The following PTPRD variants were observed in gnomAD, a reference collection of about 807,000 sequenced individuals.
PTPRD encodes the protein protein tyrosine phosphatase receptor type D.
A neutral mutation model predicts 214.5 loss-of-function variants in PTPRD; 34 were observed. The observed-to-expected ratio is 0.16, with a 90% confidence interval of 0.12 to 0.21. The LOEUF (loss-of-function observed/expected upper bound fraction) is 0.21, where lower values mean the gene tolerates loss of function less well. Ranked by LOEUF, PTPRD falls within the 10% of genes least tolerant of loss-of-function variation. The probability of loss-of-function intolerance (pLI) is 1.00; values close to 1 mark genes in which losing one functional copy is unlikely to be tolerated. For missense variants in PTPRD, 2,545 were observed against 2,398.7 expected, an observed-to-expected ratio of 1.06 and a Z score of -1.27; for synonymous variants, 1,128 against 845.7, an observed-to-expected ratio of 1.33 and a Z score of -5.79.
chr9:9,549,057 A>T (rs2079541326), intron 8 of PTPRD, among the ~76,000 whole-genome samples: 1 of 152,158 alleles, frequency 6.6e-6, no homozygotes, highest in Non-Finnish European at 1.5e-5. Flanking sequence ...TCTCTTTTCA[A>T]GAGGAAAGCA....
chr9:8,640,681 TAAA>T (rs59897269), intron 12 of PTPRD, among the ~76,000 whole-genome samples: 29 of 133,126 alleles, frequency 2.2e-4, no homozygotes, highest in African/African-American at 7.5e-4. Context: ...AGAAATTCTG[TAAA>T]AAAAAAAAAA....
At chr9:8,389,134 C>A in intron 37 of PTPRD, 98 bp downstream of exon 37, 2 of 1,047,348 alleles carry the variant, frequency 1.9e-6, no homozygotes, top group African/African-American at 3.3e-5. Flanking sequence ...GAAAGATAAG[C>A]CTTAGGGAAA....
chr9:9,634,672 A>T (rs2095699017), intron 7 of PTPRD, among the ~76,000 whole-genome samples: 1 of 152,208 alleles, frequency 6.6e-6, no homozygotes, highest in South Asian at 2.1e-4. Flanking sequence ...TCAAAAGATA[A>T]ATCCAAGAAG....
At chr9:9,983,786 A>G (rs2095620214) in intron 4 of PTPRD, among the ~76,000 whole-genome samples, 1 of 152,234 alleles carries the variant, frequency 6.6e-6, no homozygotes, top group Non-Finnish European at 1.5e-5. Flanking sequence ...TCAATTTCTT[A>G]ATTGATGCCT....
At chr9:8,599,950 A>T (rs1478340885) in intron 14 of PTPRD, among the ~76,000 whole-genome samples, 4 of 152,086 alleles carry the variant, frequency 2.6e-5, no homozygotes, top group Non-Finnish European at 5.9e-5. Flanking sequence ...CCAAAAATCA[A>T]GTGAGCACTC....
chr9:10,258,611 G>A (rs1486182303), intron 3 of PTPRD, among the ~76,000 whole-genome samples: 1 of 152,172 alleles, frequency 6.6e-6, no homozygotes, highest in African/African-American at 2.4e-5. Context: ...ACAATCATCT[G>A]AATACTCACT....
At chr9:8,970,186 A>G (rs1228012470) in intron 11 of PTPRD, among the ~76,000 whole-genome samples, 8 of 151,940 alleles carry the variant, frequency 5.3e-5, no homozygotes, top group Admixed American at 6.6e-5. Flanking sequence ...TTTGAGCATG[A>G]GTGTTCTTGC....
At chr9:8,394,004 T>G (rs947648747) in intron 36 of PTPRD, among the ~76,000 whole-genome samples, 2 of 152,124 alleles carry the variant, frequency 1.3e-5, no homozygotes, top group East Asian at 3.9e-4. Flanking sequence ...GCTGTGCTTC[T>G]GTTGTTTTTC....
chr9:8,461,770 A>T (rs1449963930), intron 32 of PTPRD, among the ~76,000 whole-genome samples: 1 of 151,960 alleles, frequency 6.6e-6, no homozygotes, highest in Non-Finnish European at 1.5e-5. Context: ...TGCCCTGCTG[A>T]GTTAATTATC....
intron 7 of PTPRD, among the ~76,000 whole-genome samples, chr9:9,667,561 T>G (rs970512144): frequency 1.3e-5 from 2 of 152,180 alleles, no homozygotes; most frequent in African/African-American, 4.8e-5. Context: ...CCTTAGAAGC[T>G]GGCTCTAACC....
intron 5 of PTPRD, among the ~76,000 whole-genome samples, chr9:9,881,695 G>A (rs780726047): frequency 7.2e-5 from 11 of 152,088 alleles, no homozygotes; most frequent in Non-Finnish European, 1.0e-4. Flanking sequence ...CCACTTTACC[G>A]CAACCGTCTC....
At chr9:10,467,240 T>C (rs568413010) in intron 2 of PTPRD, among the ~76,000 whole-genome samples, 21 of 152,338 alleles carry the variant, frequency 1.4e-4, no homozygotes, top group South Asian at 4.1e-4. Flanking sequence ...TTGTGGGATG[T>C]TAGATCTGGC....
chr9:9,534,153 C>T (rs1486815618), intron 8 of PTPRD, among the ~76,000 whole-genome samples: 1 of 151,974 alleles, frequency 6.6e-6, no homozygotes, highest in Non-Finnish European at 1.5e-5. Flanking sequence ...TTGCTATATT[C>T]GTTGTTTTGT....
chr9:9,034,135 A>G (rs2099614203), intron 10 of PTPRD, among the ~76,000 whole-genome samples: 1 of 152,184 alleles, frequency 6.6e-6, no homozygotes, highest in Non-Finnish European at 1.5e-5. Flanking sequence ...AGGCATACTT[A>G]AGTGAGTATT....
intron 11 of PTPRD, among the ~76,000 whole-genome samples, chr9:8,944,827 T>G (rs929344272): frequency 2.6e-5 from 4 of 152,064 alleles, no homozygotes; most frequent in Admixed American, 2.6e-4. Flanking sequence ...AGATCTAGTA[T>G]TTGATAGCAC....
At chr9:9,534,071 G>T (rs2076038430) in intron 8 of PTPRD, among the ~76,000 whole-genome samples, 1 of 152,038 alleles carries the variant, frequency 6.6e-6, no homozygotes, top group Non-Finnish European at 1.5e-5. Flanking sequence ...CATAGCTTAA[G>T]CCAGCAGGAT....
chr9:8,333,800 A>G (rs1419853176), intron 43 of PTPRD, among the ~76,000 whole-genome samples: 1 of 152,096 alleles, frequency 6.6e-6, no homozygotes, highest in African/African-American at 2.4e-5. Flanking sequence ...ACGCAGAGAT[A>G]CACATAGGCT....
intron 7 of PTPRD, among the ~76,000 whole-genome samples, chr9:9,707,235 G>A (rs527694178): frequency 2.1e-4 from 32 of 152,168 alleles, no homozygotes; most frequent in African/African-American, 7.5e-4. Flanking sequence ...ATAATTATGG[G>A]TATTGTTAAT....
At chr9:10,366,496 A>C (rs1466252719) in intron 2 of PTPRD, among the ~76,000 whole-genome samples, 1 of 152,204 alleles carries the variant, frequency 6.6e-6, no homozygotes, top group Non-Finnish European at 1.5e-5. Context: ...GACAAAGTGG[A>C]TCTTGAGATA....
Sources: allele counts gnomAD v4.1 joint callset (sites outside exome capture counted in the v4.1 genomes callset), GRCh38; gene constraint gnomAD v4.1.1; transcripts MANE v1.5; gene names NCBI Gene and HGNC (gene_info 2026-07-23, HGNC 2026-07-21).